ABCA8: variants seen among roughly 807,000 people sequenced by gnomAD.
The protein encoded by ABCA8 is ABC-type organic anion transporter ABCA8.
In ABCA8, 177 loss-of-function variants were observed where a neutral mutation model predicts 192.3. That is an observed-to-expected ratio of 0.92 (90% confidence interval 0.81 to 1.04). ABCA8 has a LOEUF of 1.04. Ranked by LOEUF, ABCA8 falls within the 50% of genes least tolerant of loss-of-function variation. The pLI is 0.00. For missense variants in ABCA8, 1,915 were observed against 1,904.8 expected (o/e 1.01, Z -0.10); for synonymous variants, 642 against 690.2 (o/e 0.93, Z 1.09).
At chr17:68,877,808 G>C in intron 32 of ABCA8, 129 bp from the exon 33 acceptor site, 1 of 990,782 alleles carries the variant, frequency 1.0e-6, no homozygotes, top group Non-Finnish European at 1.4e-6. Context: ...TTAATAATCT[G>C]TAATCATTTT....
chr17:68,902,677 TA>T (rs752310678), intron 21 of ABCA8, 35 bp downstream of exon 21: 57 of 1,568,966 alleles, frequency 3.6e-5, no homozygotes, highest in Non-Finnish European at 8.8e-6. Context: ...CTCTGAACAG[TA>T]AATGTATTTG....
intron 17 of ABCA8, among the ~76,000 whole-genome samples, chr17:68,914,819 G>A (rs1466324723): frequency 2.0e-5 from 3 of 151,876 alleles, no homozygotes; most frequent in Admixed American, 6.6e-5. Context: ...AACCACAAAA[G>A]GCCCAGAGTA....
intron 17 of ABCA8, among the ~76,000 whole-genome samples, chr17:68,912,985 A>G (rs2067261592): frequency 6.6e-6 from 1 of 152,198 alleles, no homozygotes; most frequent in Admixed American, 6.5e-5. Flanking sequence ...TCTCAAGGAT[A>G]CACGATATGC....
At chr17:68,892,173 T>C (rs190404825) in intron 23 of ABCA8, among the ~76,000 whole-genome samples, 140 of 152,336 alleles carry the variant, frequency 9.2e-4, no homozygotes, top group African/African-American at 3.2e-3. Context: ...CAAACTCTCT[T>C]GAAAGCCAGT....
At chr17:68,876,428 G>C in intron 35 of ABCA8, 32 bp downstream of exon 35, 1 of 1,613,508 alleles carries the variant, frequency 6.2e-7, no homozygotes, top group Non-Finnish European at 8.5e-7. Context: ...CAAGTCATCC[G>C]TGCTGTCCCT....
chr17:68,905,656 A>T (rs1179248903), intron 19 of ABCA8, among the ~76,000 whole-genome samples: 1 of 152,062 alleles, frequency 6.6e-6, no homozygotes, highest in Non-Finnish European at 1.5e-5. Flanking sequence ...ATATCTGTGG[A>T]ACAGTACAAT....
Position 68,913,485 on chromosome 17 carries a change from G to C in ABCA8, c.2138+3876C>G, listed in dbSNP as rs146703270. Among the ~76,000 whole-genome samples the C allele has an allele frequency of 2.0e-4, 31 of 151,632 alleles. 1 individual carries two copies. The South Asian group carries it at 6.2e-3, about 30-fold the overall frequency. ...GTTAAACAAAATGGACAAACTTTTAGCCAGACTAAAAAAAAGAAAAAAAAG... is the reference window on the plus strand; with the variant it reads ...GTTAAACAAAATGGACAAACTTTTACCCAGACTAAAAAAAAGAAAAAAAAG... On this transcript the variant is annotated intron_variant, in intron 17 of 39. Coordinates refer to ENST00000586539, the MANE Select transcript of ABCA8 (RefSeq NM_001288985.2).
At chr17:68,908,282 T>C (rs2067140544) in intron 17 of ABCA8, among the ~76,000 whole-genome samples, 1 of 152,194 alleles carries the variant, frequency 6.6e-6, no homozygotes, top group Non-Finnish European at 1.5e-5. Flanking sequence ...GCTGACTAAA[T>C]AGAATTGTTG....
intron 26 of ABCA8, among the ~76,000 whole-genome samples, chr17:68,886,533 C>T (rs1478281492): frequency 6.6e-6 from 1 of 152,120 alleles, no homozygotes; most frequent in Admixed American, 6.5e-5. Context: ...TCATGGACCT[C>T]TTTATTATTC....
chr17:68,950,666 C>T (rs577413676), intron 1 of ABCA8, among the ~76,000 whole-genome samples: 1 of 151,984 alleles, frequency 6.6e-6, no homozygotes, highest in African/African-American at 2.4e-5. Context: ...TTAATTTATC[C>T]TCTTACTTTT....
chr17:68,894,447 T>G (rs559312806), intron 22 of ABCA8, 137 bp from the exon 23 acceptor site: 1 of 730,492 alleles, frequency 1.4e-6, no homozygotes, highest in Non-Finnish European at 2.2e-6. Flanking sequence ...AGCCAAACAC[T>G]GTGTAAGTAA....
In ABCA8 at chr17:68,921,481, C is replaced by T; in HGVS notation, c.1513G>A (p.Asp505Asn). 6.3e-7 allele frequency: 1 copy of T among 1,594,186 alleles called. No homozygotes were observed. The highest frequency in any genetic ancestry group is 8.6e-7 in the Non-Finnish European group (1 of 1,167,278). ...KIEALKDLVF[D>N]IYEGQITAIL... ...GCAGTGATTTGGCCTTCGTAAATGTCAAATACCAGATCTAGGAAGAAAAAA... is the reference window on the plus strand; with the variant it reads ...GCAGTGATTTGGCCTTCGTAAATGTTAAATACCAGATCTAGGAAGAAAAAA... The change falls in exon 13 of 40, where the codon GAC becomes AAC. Residue 505 changes from aspartate to asparagine, a missense_variant. Transcript: ENST00000586539.
At chr17:68,918,930 CAAAAAAAA>C (rs34377045) in intron 14 of ABCA8, among the ~76,000 whole-genome samples, 2 of 45,950 alleles carry the variant, frequency 4.4e-5, no homozygotes, top group African/African-American at 1.5e-4. Context: ...AACTCTGTCT[CAAAAAAAA>C]AAAAAAAAAA....
chr17:68,883,967 T>A, intron 28 of ABCA8, 85 bp from the exon 29 acceptor site: 1 of 839,116 alleles, frequency 1.2e-6, no homozygotes, highest in Non-Finnish European at 1.8e-6. Flanking sequence ...ACCGAACTTC[T>A]AAAAAAATAC....
chr17:68,943,161 A>C (rs556226278), intron 2 of ABCA8, among the ~76,000 whole-genome samples: 2 of 152,290 alleles, frequency 1.3e-5, no homozygotes, highest in South Asian at 4.1e-4. Context: ...TGAAGAATTA[A>C]AATCTTAATA....
intron 19 of ABCA8, among the ~76,000 whole-genome samples, chr17:68,905,610 GA>G (rs4148024): frequency 4.1e-5 from 6 of 147,542 alleles, no homozygotes; most frequent in South Asian, 4.3e-4. Context: ...CTAACATAAA[GA>G]AAAAAAAAAG....
intron 1 of ABCA8, among the ~76,000 whole-genome samples, chr17:68,954,024 TTTC>T (rs938583569): frequency 8.5e-6 from 1 of 118,046 alleles, no homozygotes; most frequent in African/African-American, 3.4e-5. Context: ...ACAGGAGGAA[TTTC>T]TTTTTTTTTT....
chr17:68,952,042 G>C (rs1042144461), intron 1 of ABCA8, among the ~76,000 whole-genome samples: 2 of 152,046 alleles, frequency 1.3e-5, no homozygotes, highest in African/African-American at 2.4e-5. Context: ...CTGTCCCAAA[G>C]ATGTAAAAGG....
rs2066628436 is a variant in ABCA8 at position 68,891,742 on chromosome 17, G to A, written c.3037-146C>T. The A allele has an allele frequency of 7.1e-6, 4 of 559,708 alleles. No homozygotes were observed. In the East Asian group the frequency reaches 1.3e-4, roughly 18 times the overall value. 34.7% of individuals were successfully genotyped at this position (559,708 alleles called of 1,614,324 possible). A position where few individuals can be genotyped will look rare whatever the true frequency, so the allele number is the denominator to read the frequency against. On this transcript the variant is annotated intron_variant, in intron 23 of 39. Transcript: ENST00000586539. Reference sequence around the variant, plus strand: ...CCCAGATTCCTTCATTATCCTTCCAGTTTTCACACTTAACTTTTGGCTTTC... The same window carrying A: ...CCCAGATTCCTTCATTATCCTTCCAATTTTCACACTTAACTTTTGGCTTTC...
Sources: gnomAD v4.1 joint callset for allele counts (sites outside exome capture counted in the v4.1 genomes callset) on GRCh38, gnomAD v4.1.1 for gene constraint, MANE v1.5 for transcripts, NCBI Gene and HGNC (gene_info 2026-07-23, HGNC 2026-07-21) for gene names.